Variants in SH3RF1 observed in about 807,000 individuals in gnomAD.
SH3RF1 encodes the protein E3 ubiquitin-protein ligase SH3RF1.
A neutral mutation model predicts 74.0 loss-of-function variants in SH3RF1; 32 were observed. That is an observed-to-expected ratio of 0.43 (90% CI 0.33 to 0.58). The LOEUF is 0.58. SH3RF1 is among the 20% of genes least tolerant of loss of function. The probability of loss-of-function intolerance (pLI) is 0.05; values close to 1 mark genes in which losing one functional copy is unlikely to be tolerated. For missense variants in SH3RF1, 954 were observed against 1,130.9 expected (o/e 0.84, Z 2.24); for synonymous variants, 396 against 439.6 (o/e 0.90, Z 1.24).
intron 1 of SH3RF1, among the ~76,000 whole-genome samples, chr4:169,270,406 C>T (rs568158932): frequency 3.3e-5 from 5 of 152,272 alleles, no homozygotes; most frequent in South Asian, 2.1e-4. Flanking sequence ...CCTACAGCCT[C>T]CCTCATCTCC....
At chr4:169,166,775 C>T (rs1240993319) in intron 2 of SH3RF1, 8 of 197,142 alleles carry the variant, frequency 4.1e-5, no homozygotes, top group African/African-American at 9.9e-5. Flanking sequence ...AGCTGGCTAC[C>T]GGCTCGTTAC....
In SH3RF1 at chr4:169,136,503, T is replaced by A. The variant is rs1223427517; in HGVS notation, c.883A>T (p.Thr295Ser). Residue 295 changes from threonine to serine, a missense_variant, in exon 5 of 12, where the codon ACC becomes TCC. Physicochemically the swap from Thr to Ser is moderately conservative, Grantham distance 58. This residue lies in a region of SH3RF1 where 854 missense variants were observed against 962.5 expected (regional missense o/e 0.89). Transcript: ENST00000284637. ...QSSTAPKHSD[T>S]KKNTKKRHSF... ...TGCCGCTTTTTGGTGTTCTTCTTGGTGTCGGAGTGCTTTGGGGCAGTGCTG... is the reference window on the plus strand; with the variant it reads ...TGCCGCTTTTTGGTGTTCTTCTTGGAGTCGGAGTGCTTTGGGGCAGTGCTG... The A allele has an allele frequency of 1.9e-6, 3 of 1,613,876 alleles. No homozygotes were observed. Among genetic ancestry groups the A allele is most frequent in the Non-Finnish European group, 2.5e-6 (3 of 1,179,954 alleles).
intron 4 of SH3RF1, among the ~76,000 whole-genome samples, chr4:169,154,486 G>A (rs72706455): frequency 0.12 from 18,030 of 152,136 alleles, 1,138 homozygotes; most frequent in Non-Finnish European, 0.15. Flanking sequence ...AGTTTTACAT[G>A]CTTAAGATCC....
intron 2 of SH3RF1, among the ~76,000 whole-genome samples, chr4:169,171,557 A>T (rs569686511): frequency 6.6e-6 from 1 of 152,352 alleles, no homozygotes; most frequent in African/African-American, 2.4e-5. Context: ...AGAAAAGTAG[A>T]CAGCAGAAAA....
At chr4:169,148,628 C>T (rs1357489253) in intron 4 of SH3RF1, among the ~76,000 whole-genome samples, 1 of 152,034 alleles carries the variant, frequency 6.6e-6, no homozygotes, top group Non-Finnish European at 1.5e-5. Context: ...AATAATAAAT[C>T]ATCAACAAAC....
intron 10 of SH3RF1, among the ~76,000 whole-genome samples, chr4:169,112,586 G>GA (rs1381296855): frequency 6.6e-6 from 1 of 152,190 alleles, no homozygotes; most frequent in Non-Finnish European, 1.5e-5. Context: ...CCCTGCAGAT[G>GA]AAAACATAGA....
In SH3RF1 at chr4:169,269,089, C is replaced by T. The variant is rs1322315520; in HGVS notation, c.124G>A (p.Gly42Ser). Residue 42 changes from glycine (G) to serine (S), a missense_variant, in exon 2 of 12, where the codon GGT (glycine) becomes AGT (serine). By Grantham distance (56) the Gly-to-Ser change is moderately conservative. Around this residue, in one of 3 missense-constraint regions of SH3RF1, gnomAD observed 64 missense variants for 101.9 expected, o/e 0.63. Coordinates refer to ENST00000284637, the MANE Select transcript of SH3RF1 (RefSeq NM_020870.4). Reference protein sequence around the residue: ...FCKRCLLGIVGSRNELRCPEC... With the variant: ...FCKRCLLGIVSSRNELRCPEC... Reference sequence around the variant, plus strand: ...GGACATCTGAGTTCATTTCGAGAACCTACGATCCCCAGCAAACATCGCTTG... The same window carrying T: ...GGACATCTGAGTTCATTTCGAGAACTTACGATCCCCAGCAAACATCGCTTG... The T allele has an allele frequency of 6.2e-7, 1 of 1,614,076 alleles. No individual in the cohort carries two copies. Among genetic ancestry groups the T allele is most frequent in the Non-Finnish European group, 8.5e-7 (1 of 1,180,040 alleles).
At chr4:169,098,096 G>A (rs1207375183) in intron 11 of SH3RF1, among the ~76,000 whole-genome samples, 1 of 152,214 alleles carries the variant, frequency 6.6e-6, no homozygotes, top group African/African-American at 2.4e-5. Context: ...CAGATGAGCT[G>A]TTCCATAATT....
chr4:169,206,399 G>C (rs1236997262), intron 2 of SH3RF1, among the ~76,000 whole-genome samples: 3 of 152,192 alleles, frequency 2.0e-5, no homozygotes, highest in Admixed American at 1.3e-4. Context: ...TGGGGGAAGG[G>C]GGGTGGTTCA....
At chr4:169,265,587 C>G (rs557681439) in intron 2 of SH3RF1, among the ~76,000 whole-genome samples, 5 of 152,162 alleles carry the variant, frequency 3.3e-5, no homozygotes, top group African/African-American at 4.8e-5. Context: ...GATTCTCCAG[C>G]CTTGGCCTCC....
chr4:169,139,667 A>C (rs1733752710), intron 4 of SH3RF1, among the ~76,000 whole-genome samples: 2 of 152,174 alleles, frequency 1.3e-5, no homozygotes, highest in South Asian at 4.1e-4. Context: ...CAGGAGTAGA[A>C]CTGCTGGACC....
rs774599495 is a variant in SH3RF1 at position 169,156,827 on chromosome 4, G to A, written c.394-148C>T. The A allele has an allele frequency of 2.3e-5, 16 of 707,668 alleles. 1 individual carries two copies. The highest frequency in any genetic ancestry group is 3.4e-5 in the Non-Finnish European group (15 of 440,570). The allele number at this position is 707,668 out of a possible 1,614,324, so 43.8% of individuals were successfully genotyped here. On this transcript the variant is annotated intron_variant, in intron 2 of 11. Transcript: ENST00000284637. ...AATCTCACACAAAAACAATATATAT[G>A]TGTTACCAATAAATAGAAAACACAA...
At chr4:169,212,057 CTTT>C (rs34108534) in intron 2 of SH3RF1, among the ~76,000 whole-genome samples, 6 of 48,262 alleles carry the variant, frequency 1.2e-4, no homozygotes, top group Admixed American at 2.9e-4. Context: ...CTTTTCTTTT[CTTT>C]TTTTTTTTTT....
rs538997128 is a variant in SH3RF1 at position 169,266,051 on chromosome 4, A to G, written c.393+2769T>C. 4.7e-4 allele frequency among the ~76,000 whole-genome samples: 71 copies of G among 152,240 alleles called. 1 individual carries two copies. The Middle Eastern group carries it at 0.01, about 22-fold the overall frequency. ...ACTGCTTGACTTTGGCCTAAAACCA[A>G]CAGGAATTCTTTACTTAGAGGTAAA... On this transcript the variant is annotated intron_variant, in intron 2 of 11. Transcript: ENST00000284637.
chr4:169,112,758 C>A (rs1335796049), intron 10 of SH3RF1, among the ~76,000 whole-genome samples: 1 of 151,896 alleles, frequency 6.6e-6, no homozygotes, highest in Admixed American at 6.5e-5. Flanking sequence ...CTTAAACTTG[C>A]AAAAATGCTA....
At chr4:169,174,291 AGACTCAAGCAATCCTCCC>A (rs539259294) in intron 2 of SH3RF1, among the ~76,000 whole-genome samples, 1,534 of 152,260 alleles carry the variant, frequency 0.01, 10 homozygotes, top group South Asian at 0.034. Context: ...CAAATTCTTA[AGACTCAAGCAATCCTCCC>A]GCCTCAGCCT....
intron 2 of SH3RF1, among the ~76,000 whole-genome samples, chr4:169,207,595 T>C (rs538451246): frequency 6.6e-6 from 1 of 152,334 alleles, no homozygotes; most frequent in African/African-American, 2.4e-5. Context: ...AAGACTAGAA[T>C]TCTGTCCATA....
intron 2 of SH3RF1, among the ~76,000 whole-genome samples, chr4:169,232,939 T>C (rs1307861575): frequency 1.3e-5 from 2 of 152,138 alleles, no homozygotes; most frequent in African/African-American, 2.4e-5. Context: ...AGCCTTCGTA[T>C]GCAGCAGATT....
intron 2 of SH3RF1, among the ~76,000 whole-genome samples, chr4:169,173,461 AC>A (rs1734365505): frequency 6.6e-6 from 1 of 152,174 alleles, no homozygotes; most frequent in Non-Finnish European, 1.5e-5. Context: ...GCAAAAGAAC[AC>A]AGTAAGTCCA....
Sources: allele counts gnomAD v4.1 joint callset (sites outside exome capture counted in the v4.1 genomes callset), GRCh38; gene constraint gnomAD v4.1.1; regional missense constraint gnomAD v4.1.1; transcripts MANE v1.5; gene names NCBI Gene and HGNC (gene_info 2026-07-23, HGNC 2026-07-21).